The following GAB2 variants were observed in gnomAD, a reference collection of about 807,000 sequenced individuals.
The protein encoded by GAB2 is GRB2 associated binding protein 2.
Under a neutral mutation model 65.5 loss-of-function variants are expected in GAB2, and 26 were observed. The observed-to-expected ratio is 0.40, with a 90% CI of 0.29 to 0.55. GAB2 has a LOEUF of 0.55. GAB2 is among the 20% of genes least tolerant of loss of function. GAB2 has a pLI of 0.53. For synonymous variants in GAB2, 321 were observed against 329.6 expected (o/e 0.97, Z 0.28); for missense variants, 884 against 875.8 (o/e 1.01, Z -0.12).
Position 78,383,581 on chromosome 11 carries a change from C to CAAAAAAAAAAAAAAAAAAAAAAAAAAA in GAB2, c.75+34064_75+34065insTTTTTTTTTTTTTTTTTTTTTTTTTTT, listed in dbSNP as rs534814220. ...GCAACATGGCAAAACCCTGTCTCTCCAAAAAAAAAAAAAAAAAAATACAAA... is the reference window on the plus strand; with the variant it reads ...GCAACATGGCAAAACCCTGTCTCTCCAAAAAAAAAAAAAAAAAAAAAAAAAAAAAAAAAAAAAAAAAAAAAATACAAA... On this transcript the variant is annotated intron_variant, in intron 1 of 9. Transcript: ENST00000361507. Among the ~76,000 whole-genome samples the CAAAAAAAAAAAAAAAAAAAAAAAAAAA allele has an allele frequency of 2.6e-3, 145 of 55,486 alleles. 3 individuals carry two copies. The highest frequency in any genetic ancestry group is 0.014 in the Middle Eastern group (1 of 72). 36.4% of individuals were successfully genotyped at this position (55,486 alleles called of 152,430 possible). A position where few individuals can be genotyped will look rare whatever the true frequency, so the allele number is the denominator to read the frequency against.
chr11:78,385,992 G>T (rs1227684795), intron 1 of GAB2, among the ~76,000 whole-genome samples: 2 of 152,038 alleles, frequency 1.3e-5, no homozygotes, highest in African/African-American at 4.8e-5. Flanking sequence ...CTATCTATAC[G>T]TATGTATCTG....
intron 1 of GAB2, among the ~76,000 whole-genome samples, chr11:78,370,249 T>A (rs534161843): frequency 1.2e-5 from 1 of 85,222 alleles, no homozygotes. Flanking sequence ...AGAGCGAGAC[T>A]CCGTCTCAAA....
intron 1 of GAB2, among the ~76,000 whole-genome samples, chr11:78,290,629 G>A (rs1241352735): frequency 1.3e-5 from 2 of 152,130 alleles, no homozygotes; most frequent in Non-Finnish European, 1.5e-5. Context: ...ATGAAGGCCC[G>A]TGAAAGTTTA....
intron 1 of GAB2, among the ~76,000 whole-genome samples, chr11:78,397,572 A>G (rs1856918171): frequency 6.6e-6 from 1 of 152,230 alleles, no homozygotes; most frequent in African/African-American, 2.4e-5. Flanking sequence ...TGAGGAAATG[A>G]GGGCACAGAG....
chr11:78,232,487 C>CT (rs1864873295), intron 3 of GAB2, among the ~76,000 whole-genome samples: 1 of 152,190 alleles, frequency 6.6e-6, no homozygotes, highest in African/African-American at 2.4e-5. Context: ...AAAAAGAACT[C>CT]TATTTGTCTT....
intron 1 of GAB2, among the ~76,000 whole-genome samples, chr11:78,323,195 T>G (rs1440602279): frequency 1.3e-5 from 2 of 152,272 alleles, no homozygotes; most frequent in Admixed American, 1.3e-4. Context: ...GAGGTCATTA[T>G]TCTAAGTGAA....
intron 1 of GAB2, among the ~76,000 whole-genome samples, chr11:78,326,893 A>C (rs1269365996): frequency 6.6e-6 from 1 of 152,226 alleles, no homozygotes; most frequent in African/African-American, 2.4e-5. Context: ...TTGAGGATTT[A>C]CTGGAGGTAA....
At chr11:78,402,433 ATTT>A (rs979179968) in intron 1 of GAB2, among the ~76,000 whole-genome samples, 4 of 147,176 alleles carry the variant, frequency 2.7e-5, no homozygotes, top group South Asian at 2.2e-4. Context: ...TTTAAAAAAA[ATTT>A]TTTTTTTTTT....
At chr11:78,347,299 C>T (rs925709537) in intron 1 of GAB2, among the ~76,000 whole-genome samples, 14 of 152,118 alleles carry the variant, frequency 9.2e-5, no homozygotes, top group African/African-American at 3.4e-4. Context: ...TATGAATGTC[C>T]TCCGAGTGTC....
chr11:78,372,018 T>C (rs1330728352), intron 1 of GAB2, among the ~76,000 whole-genome samples: 1 of 152,126 alleles, frequency 6.6e-6, no homozygotes, highest in East Asian at 1.9e-4. Flanking sequence ...TATAAACTAT[T>C]ACTCGTATGG....
chr11:78,275,329 A>G (rs984358814), intron 2 of GAB2, among the ~76,000 whole-genome samples: 1 of 152,338 alleles, frequency 6.6e-6, no homozygotes, highest in African/African-American at 2.4e-5. Flanking sequence ...CATCATATGA[A>G]AAATGGAAAT....
intron 1 of GAB2, among the ~76,000 whole-genome samples, chr11:78,381,356 C>T (rs1416574735): frequency 6.6e-6 from 1 of 152,184 alleles, no homozygotes; most frequent in Non-Finnish European, 1.5e-5. Flanking sequence ...TTAACACAGA[C>T]TCCAACTAAC....
chr11:78,304,674 C>A (rs1450251637), intron 1 of GAB2, among the ~76,000 whole-genome samples: 1 of 152,158 alleles, frequency 6.6e-6, no homozygotes, highest in Non-Finnish European at 1.5e-5. Context: ...AGTCCCTGGG[C>A]CAGTTACCCC....
chr11:78,283,884 CT>C (rs373850469), intron 1 of GAB2, among the ~76,000 whole-genome samples: 80 of 146,316 alleles, frequency 5.5e-4, no homozygotes, highest in Middle Eastern at 3.5e-3. Context: ...TTCTGAGATT[CT>C]TTTTTTTTTT....
intron 1 of GAB2, among the ~76,000 whole-genome samples, chr11:78,301,329 G>GT (rs1430794805): frequency 3.5e-5 from 5 of 141,310 alleles, no homozygotes; most frequent in Admixed American, 2.8e-4. Flanking sequence ...GGTATCTTGT[G>GT]GTTTTTTGTT....
At chr11:78,336,450 T>G (rs953907797) in intron 1 of GAB2, among the ~76,000 whole-genome samples, 1 of 149,734 alleles carries the variant, frequency 6.7e-6, no homozygotes, top group African/African-American at 2.4e-5. Context: ...TCCTGCAACT[T>G]TACTGAATTT....
At chr11:78,273,312 G>A (rs867850122) in intron 2 of GAB2, among the ~76,000 whole-genome samples, 38 of 152,238 alleles carry the variant, frequency 2.5e-4, no homozygotes, top group African/African-American at 8.4e-4. Context: ...CCAGAAGAGA[G>A]GCTATACCCT....
intron 1 of GAB2, among the ~76,000 whole-genome samples, chr11:78,399,214 A>T (rs187337151): frequency 7.9e-5 from 12 of 152,330 alleles, no homozygotes; most frequent in African/African-American, 2.9e-4. Flanking sequence ...TCAAGCCTGC[A>T]CCAAGCTGCT....
chr11:78,345,576 A>G (rs1856167102), intron 1 of GAB2, among the ~76,000 whole-genome samples: 1 of 152,226 alleles, frequency 6.6e-6, no homozygotes, highest in African/African-American at 2.4e-5. Context: ...GGCTACCTGA[A>G]TAATTTAGGG....
Sources: gnomAD v4.1 joint callset for allele counts (sites outside exome capture counted in the v4.1 genomes callset) on GRCh38, gnomAD v4.1.1 for gene constraint, MANE v1.5 for transcripts, NCBI Gene and HGNC (gene_info 2026-07-23, HGNC 2026-07-21) for gene names.